Variants in TMTC1 observed in about 807,000 individuals in gnomAD.
TMTC1 encodes transmembrane O-mannosyltransferase targeting cadherins 1, also known as protein O-mannosyl-transferase TMTC1.
TMTC1 carries 73 observed loss-of-function variants against 104.8 expected under a neutral mutation model. The observed-to-expected ratio is 0.70, with a 90% confidence interval of 0.58 to 0.85. TMTC1 has a LOEUF of 0.85. TMTC1 is among the 40% of genes least tolerant of loss of function. The pLI is 0.00. For synonymous variants in TMTC1, 434 were observed against 428.7 expected (o/e 1.01, Z -0.15); for missense variants, 1,035 against 1,096.1 (o/e 0.94, Z 0.79).
At chr12:29,559,259 A>G (rs1006853076) in intron 9 of TMTC1, among the ~76,000 whole-genome samples, 11 of 152,220 alleles carry the variant, frequency 7.2e-5, no homozygotes, top group African/African-American at 1.9e-4. Flanking sequence ...GCTAAATTCA[A>G]TAAGACCTTC....
chr12:29,670,456 T>A (rs978428954), intron 5 of TMTC1, among the ~76,000 whole-genome samples: 2 of 152,184 alleles, frequency 1.3e-5, no homozygotes, highest in African/African-American at 4.8e-5. Flanking sequence ...GTCCCAAGGT[T>A]CCACAGGTAG....
chr12:29,702,222 C>CTAATATGAAACATTAGGTGGGTAAATGAA (rs1941614676), intron 5 of TMTC1, among the ~76,000 whole-genome samples: 1 of 152,160 alleles, frequency 6.6e-6, no homozygotes, highest in Non-Finnish European at 1.5e-5. Flanking sequence ...TGAAACATTA[C>CTAATATGAAACATTAGGTGGGTAAATGAA]ACCCACCTTC....
chr12:29,599,207 A>G (rs1946489007), intron 7 of TMTC1, among the ~76,000 whole-genome samples: 1 of 152,262 alleles, frequency 6.6e-6, no homozygotes, highest in Non-Finnish European at 1.5e-5. Flanking sequence ...ATAAAACACA[A>G]AAAAGATAGC....
At chr12:29,529,708 CAT>C (rs756718052) in intron 11 of TMTC1, among the ~76,000 whole-genome samples, 1 of 152,280 alleles carries the variant, frequency 6.6e-6, no homozygotes, top group East Asian at 1.9e-4. Context: ...TTCCTCCACC[CAT>C]ATGTCATCAG....
chr12:29,775,013 C>G (rs1943675713), intron 1 of TMTC1, among the ~76,000 whole-genome samples: 1 of 152,016 alleles, frequency 6.6e-6, no homozygotes, highest in African/African-American at 2.4e-5. Context: ...GTCACTGTTA[C>G]ATTAGTACTA....
intron 14 of TMTC1, among the ~76,000 whole-genome samples, chr12:29,516,708 A>G (rs968833433): frequency 3.9e-5 from 6 of 152,184 alleles, no homozygotes; most frequent in African/African-American, 1.4e-4. Context: ...TGGCAGAAAC[A>G]CTAAATATAT....
chr12:29,723,473 C>A (rs1252539732), intron 5 of TMTC1, among the ~76,000 whole-genome samples: 1 of 152,142 alleles, frequency 6.6e-6, no homozygotes, highest in Non-Finnish European at 1.5e-5. Context: ...GTAATCCCAG[C>A]ACTTTGGGAG....
chr12:29,725,014 CTTTTTTTTTTTT>C (rs869135481), intron 5 of TMTC1, among the ~76,000 whole-genome samples: 1 of 90,402 alleles, frequency 1.1e-5, no homozygotes, highest in Non-Finnish European at 2.0e-5. Flanking sequence ...CTGCCAAGTT[CTTTTTTTTTTTT>C]TTTTTTTTTT....
intron 7 of TMTC1, among the ~76,000 whole-genome samples, chr12:29,591,300 G>A (rs1380991695): frequency 6.6e-6 from 1 of 152,144 alleles, no homozygotes; most frequent in Non-Finnish European, 1.5e-5. Context: ...GCAGGACATG[G>A]CCTCCTTTTG....
In TMTC1 at chr12:29,554,673, G is replaced by C. The variant is rs118046181; in HGVS notation, c.1676+2184C>G. Among the ~76,000 whole-genome samples, 392 of 152,120 alleles carry C rather than the reference G, an allele frequency of 2.6e-3. 3 individuals carry two copies. Among genetic ancestry groups the C allele is most frequent in the Middle Eastern group, 6.8e-3 (2 of 294 alleles). On this transcript the variant is annotated intron_variant, in intron 10 of 17. Transcript: ENST00000539277. ...TGTTTTAGCCCAGGAGTTTGAGACC[G>C]GCCTGGGTGACATGGCAAAACCCCA... is the stretch of plus-strand genomic sequence containing the variant.
intron 9 of TMTC1, among the ~76,000 whole-genome samples, chr12:29,559,384 T>A (rs972824910): frequency 1.3e-5 from 2 of 152,210 alleles, no homozygotes; most frequent in African/African-American, 4.8e-5. Flanking sequence ...CCCACTGCCA[T>A]GTAAATGAAC....
At position 29,501,563 on chromosome 12, in the gene TMTC1, G is replaced by A. The variant is rs1415605882; in HGVS notation, c.*5283C>T. ...GGTAGTGTACCCCTCCTATGGACCA[G>A]CAAGATAAATAACCCCCAAAGGACA... On this transcript the variant is annotated 3_prime_UTR_variant, in exon 18 of 18. Transcript: ENST00000539277. 1 of 150,506 alleles carries A rather than the reference G, an allele frequency of 6.6e-6. No homozygotes were observed. The highest frequency in any genetic ancestry group is 2.4e-5 in the African/African-American group (1 of 41,276). The allele number at this position is 150,506 out of a possible 1,614,324, so 9.3% of individuals were successfully genotyped here.
chr12:29,555,104 A>G (rs1418638200), intron 10 of TMTC1, among the ~76,000 whole-genome samples: 1 of 148,280 alleles, frequency 6.7e-6, no homozygotes, highest in Non-Finnish European at 1.5e-5. Flanking sequence ...TTCACAATCT[A>G]TAAAGGGTTT....
intron 1 of TMTC1, among the ~76,000 whole-genome samples, chr12:29,777,312 T>A (rs1943733734): frequency 6.6e-6 from 1 of 151,956 alleles, no homozygotes; most frequent in Admixed American, 6.6e-5. Flanking sequence ...CCAGGATGGG[T>A]TTGATCTCTT....
chr12:29,572,745 T>C (rs1945714995), intron 8 of TMTC1, among the ~76,000 whole-genome samples: 2 of 152,228 alleles, frequency 1.3e-5, no homozygotes, highest in African/African-American at 4.8e-5. Flanking sequence ...ACGCTTTTCC[T>C]TCTAGGGAGA....
At chr12:29,681,099 C>CAAAAAAAAA (rs71045827) in intron 5 of TMTC1, among the ~76,000 whole-genome samples, 2 of 107,234 alleles carry the variant, frequency 1.9e-5, no homozygotes, top group African/African-American at 3.8e-5. Flanking sequence ...ACCCTGTCTC[C>CAAAAAAAAA]AAAAAAAAAA....
At chr12:29,756,334 G>A (rs1290808506) in intron 3 of TMTC1, among the ~76,000 whole-genome samples, 2 of 152,298 alleles carry the variant, frequency 1.3e-5, no homozygotes, top group Non-Finnish European at 2.9e-5. Context: ...AGGGATTATA[G>A]CGTTGTAGGG....
At chr12:29,617,799 G>A (rs1947026852) in intron 6 of TMTC1, among the ~76,000 whole-genome samples, 3 of 152,138 alleles carry the variant, frequency 2.0e-5, no homozygotes, top group African/African-American at 7.2e-5. Context: ...AGTAGCAAGG[G>A]AGATAATGGA....
chr12:29,746,259 T>C (rs1942953332), intron 5 of TMTC1, among the ~76,000 whole-genome samples: 1 of 152,212 alleles, frequency 6.6e-6, no homozygotes, highest in Admixed American at 6.5e-5. Context: ...CATTTCATTT[T>C]TGAAAGCAGC....
Sources: gnomAD v4.1 joint callset for allele counts (sites outside exome capture counted in the v4.1 genomes callset) on GRCh38, gnomAD v4.1.1 for gene constraint, MANE v1.5 for transcripts, NCBI Gene and HGNC (gene_info 2026-07-23, HGNC 2026-07-21) for gene names.